POTEE: variants seen among roughly 807,000 people sequenced by gnomAD.
POTEE encodes POTE ankyrin domain family member E.
Under a neutral mutation model 74.2 loss-of-function variants are expected in POTEE, and 21 were observed. The observed-to-expected ratio is 0.28, with a 90% CI of 0.20 to 0.41. The LOEUF is 0.41. POTEE is among the 10% of genes least tolerant of loss of function. POTEE has a pLI of 1.00. For missense variants in POTEE, 525 were observed against 1,158.6 expected (o/e 0.45, Z 7.94); for synonymous variants, 211 against 432.8 (o/e 0.49, Z 6.36).
intron 2 of POTEE, among the ~76,000 whole-genome samples, chr2:131,215,608 G>T (rs1402586460): frequency 1.4e-5 from 2 of 147,362 alleles, no homozygotes; most frequent in African/African-American, 5.1e-5. Flanking sequence ...TGTTGGATTT[G>T]TTCCGAGAGA....
rs1176145731 is a variant in POTEE, at chr2:131,263,883, C to T, written c.2428C>T (p.Leu810=). ...CCCCATCCTGCTGACCGAGGCCCCCCTGAACCCCAAGGCCAACCGCGAGAA... is the reference window on the plus strand; with the variant it reads ...CCCCATCCTGCTGACCGAGGCCCCCTTGAACCCCAAGGCCAACCGCGAGAA... ...EHPILLTEAP[L]NPKANREKMT... Residue 810 remains leucine (L), a synonymous_variant, in exon 18 of 18, where the codon CTG becomes TTG. Transcript: ENST00000683005. 2 of 1,614,074 alleles carry T rather than the reference C, an allele frequency of 1.2e-6. No homozygotes were observed. The highest frequency in any genetic ancestry group is 1.3e-5 in the African/African-American group (1 of 74,930).
In POTEE at chr2:131,209,536, A is replaced by G. The variant is rs1414655735; in HGVS notation, c.-628A>G. Among the ~76,000 whole-genome samples, 3 of 152,208 alleles carry G rather than the reference A, an allele frequency of 2.0e-5. No individual in the cohort carries two copies. Among genetic ancestry groups the G allele is most frequent in the African/African-American group, 2.4e-5 (1 of 41,450 alleles). On this transcript the variant is annotated 5_prime_UTR_variant, in exon 1 of 18. Transcript: ENST00000683005. ...AAGCATGCGGAGGTGGCGTCAGGTC[A>G]TTTCAGGCTCTTAAGTGTGGGCGTT...
intron 2 of POTEE, among the ~76,000 whole-genome samples, chr2:131,214,168 C>G (rs1176660326): frequency 6.6e-6 from 1 of 152,220 alleles, no homozygotes; most frequent in Non-Finnish European, 1.5e-5. Flanking sequence ...CTGTTTTCCT[C>G]ATGGAACCCC....
chr2:131,256,831 T>C (rs1227202836), intron 16 of POTEE, among the ~76,000 whole-genome samples: 2 of 152,150 alleles, frequency 1.3e-5, no homozygotes, highest in Non-Finnish European at 2.9e-5. Flanking sequence ...TAATGAGGAC[T>C]AACAGAAAGG....
At chr2:131,230,718 C>T in intron 8 of POTEE, 118 bp from the exon 9 acceptor site, 2 of 1,005,622 alleles carry the variant, frequency 2.0e-6, no homozygotes, top group Non-Finnish European at 2.9e-6. Flanking sequence ...TGGGATAATA[C>T]TATTAAGTTC....
intron 16 of POTEE, among the ~76,000 whole-genome samples, chr2:131,254,972 TA>T (rs1339789962): frequency 6.6e-5 from 10 of 152,272 alleles, no homozygotes; most frequent in Non-Finnish European, 1.2e-4. Flanking sequence ...TCAGCTTATG[TA>T]ATCTAGAAAT....
chr2:131,253,789 ATATGT>A (rs1346412643), intron 16 of POTEE, among the ~76,000 whole-genome samples: 5 of 137,402 alleles, frequency 3.6e-5, no homozygotes, highest in African/African-American at 8.5e-5. Flanking sequence ...ATTTGTATAG[ATATGT>A]TATATGTATA....
chr2:131,219,626 A>G (rs2105068346), intron 4 of POTEE, among the ~76,000 whole-genome samples: 1 of 152,204 alleles, frequency 6.6e-6, no homozygotes, highest in East Asian at 1.9e-4. Context: ...AGTCCCAGCT[A>G]CTCAGGAGGC....
intron 6 of POTEE, among the ~76,000 whole-genome samples, chr2:131,225,451 CA>C (rs1443918366): frequency 6.8e-6 from 1 of 147,778 alleles, no homozygotes; most frequent in Non-Finnish European, 1.5e-5. Flanking sequence ...AAGAACCACT[CA>C]ATACTTAAAT....
chr2:131,211,313 G>C (rs1238725241), intron 2 of POTEE, among the ~76,000 whole-genome samples, 130 bp downstream of exon 2: 1 of 151,736 alleles, frequency 6.6e-6, no homozygotes, highest in Admixed American at 6.6e-5. Flanking sequence ...GACTGGGAAG[G>C]GGGAGTAGGA....
At chr2:131,233,615 G>C (rs1417299566) in intron 9 of POTEE, among the ~76,000 whole-genome samples, 1 of 120,456 alleles carries the variant, frequency 8.3e-6, no homozygotes, top group Non-Finnish European at 1.7e-5. Flanking sequence ...TTTTTTTTTG[G>C]TGTTATGCTT....
intron 8 of POTEE, among the ~76,000 whole-genome samples, chr2:131,230,512 G>C (rs1300069796): frequency 6.6e-6 from 1 of 152,150 alleles, no homozygotes; most frequent in African/African-American, 2.4e-5. Context: ...AGAGAAGCAA[G>C]TTGTCCAAGA....
intron 9 of POTEE, among the ~76,000 whole-genome samples, chr2:131,235,725 CAG>C (rs1701109006): frequency 7.6e-6 from 1 of 131,926 alleles, no homozygotes; most frequent in African/African-American, 2.8e-5. Flanking sequence ...CAGGGAGTGT[CAG>C]AGGTTGCAGT....
At chr2:131,235,933 A>G (rs989503519) in intron 9 of POTEE, among the ~76,000 whole-genome samples, 7 of 152,046 alleles carry the variant, frequency 4.6e-5, no homozygotes, top group African/African-American at 7.3e-5. Context: ...GTAAGGTACT[A>G]TTGTTGCAGA....
intron 4 of POTEE, among the ~76,000 whole-genome samples, chr2:131,222,607 G>C (rs1457099782): frequency 2.0e-5 from 3 of 151,950 alleles, no homozygotes; most frequent in Non-Finnish European, 4.4e-5. Flanking sequence ...TCATAAATCC[G>C]TTTTAAAAGG....
At position 131,237,599 on chromosome 2, in the gene POTEE, T is replaced by A. The variant is rs547335175; in HGVS notation, c.1198-595T>A. On this transcript the variant is annotated intron_variant, in intron 10 of 17. Transcript: ENST00000683005. The stretch of plus-strand genomic sequence containing the variant: ...TATATTAGAACTGGACTTACGCAGA[T>A]AATCTGGATACATAACACTATCATA... Among the ~76,000 whole-genome samples, 16 of 151,536 alleles carry A rather than the reference T, an allele frequency of 1.1e-4. No individual in the cohort carries two copies. The East Asian group carries it at 2.9e-3, about 28-fold the overall frequency.
At chr2:131,216,206 A>G (rs1700438059) in intron 2 of POTEE, among the ~76,000 whole-genome samples, 1 of 151,670 alleles carries the variant, frequency 6.6e-6, no homozygotes, top group South Asian at 2.1e-4. Context: ...GACAAATAGA[A>G]AAAGTCCTAT....
At chr2:131,219,281 C>T (rs1247270261) in intron 4 of POTEE, among the ~76,000 whole-genome samples, 1 of 151,452 alleles carries the variant, frequency 6.6e-6, no homozygotes, top group African/African-American at 2.5e-5. Flanking sequence ...AACAAAGCCC[C>T]ATAACACATC....
intron 9 of POTEE, among the ~76,000 whole-genome samples, chr2:131,236,229 C>T (rs1182568156): frequency 6.6e-6 from 1 of 152,084 alleles, no homozygotes; most frequent in Non-Finnish European, 1.5e-5. Context: ...GAAGGGGAGA[C>T]AGTAAAGGAT....
Sources: gnomAD v4.1 joint callset for allele counts (sites outside exome capture counted in the v4.1 genomes callset) on GRCh38, gnomAD v4.1.1 for gene constraint, MANE v1.5 for transcripts, NCBI Gene and HGNC (gene_info 2026-07-23, HGNC 2026-07-21) for gene names.